AGBL3: variants seen among roughly 807,000 people sequenced by gnomAD.
AGBL3 encodes the protein cytosolic carboxypeptidase 3.
In AGBL3, 68 loss-of-function variants were observed where a neutral mutation model predicts 94.5. The observed-to-expected ratio is 0.72, with a 90% CI of 0.59 to 0.88. The LOEUF (loss-of-function observed/expected upper bound fraction) is 0.88, where lower values mean the gene tolerates loss of function less well. Among genes scored for constraint, AGBL3 ranks in the 40% least tolerant of loss-of-function variants. The pLI is 0.00. For synonymous variants in AGBL3, 354 were observed against 370.7 expected (o/e 0.95, Z 0.52); for missense variants, 934 against 1,103.8 (o/e 0.85, Z 2.18).
At chr7:135,131,267 A>G (rs1828722420) in intron 16 of AGBL3, among the ~76,000 whole-genome samples, 1 of 152,086 alleles carries the variant, frequency 6.6e-6, no homozygotes, top group Admixed American at 6.6e-5. Flanking sequence ...GAACAGTGAG[A>G]ACACATGGAC....
intron 15 of AGBL3, among the ~76,000 whole-genome samples, chr7:135,109,650 G>A (rs1164143251): frequency 6.6e-6 from 1 of 151,904 alleles, no homozygotes; most frequent in African/African-American, 2.4e-5. Flanking sequence ...TGAAACTGTT[G>A]CTGACAGAAA....
Position 135,042,769 on chromosome 7 carries a change from C to T in AGBL3, c.1501-1256C>T, listed in dbSNP as rs139479442. Among the ~76,000 whole-genome samples, 1,103 of 151,986 alleles carry T rather than the reference C, an allele frequency of 7.3e-3. 14 individuals are homozygous for T. Among genetic ancestry groups the T allele is most frequent in the African/African-American group, 0.025 (1,027 of 41,446 alleles). On this transcript the variant is annotated intron_variant, in intron 8 of 16. Coordinates refer to ENST00000436302, the MANE Select transcript of AGBL3 (RefSeq NM_178563.4). ...TGTGAAAAAAATACAAAAATAGCTA[C>T]GTATGGTGGTAAGTGCCTGTGGTCT...
chr7:135,030,291 C>A (rs1815590839), intron 5 of AGBL3, among the ~76,000 whole-genome samples: 1 of 152,094 alleles, frequency 6.6e-6, no homozygotes, highest in Non-Finnish European at 1.5e-5. Flanking sequence ...AGGGTTACCT[C>A]TCAATAAACC....
chr7:135,131,276 A>G (rs1315224877), intron 16 of AGBL3, among the ~76,000 whole-genome samples: 1 of 152,042 alleles, frequency 6.6e-6, no homozygotes, highest in African/African-American at 2.4e-5. Context: ...GAACACATGG[A>G]CACATAGAGG....
chr7:135,017,556 C>G (rs990423285), intron 5 of AGBL3, among the ~76,000 whole-genome samples: 2 of 152,044 alleles, frequency 1.3e-5, no homozygotes, highest in African/African-American at 4.8e-5. Flanking sequence ...CATTTCTTGG[C>G]GTTATAATCT....
intron 5 of AGBL3, among the ~76,000 whole-genome samples, chr7:135,021,183 A>T (rs1350260392): frequency 1.3e-5 from 2 of 152,142 alleles, no homozygotes; most frequent in African/African-American, 4.8e-5. Flanking sequence ...ATTGATAGTT[A>T]TGCCAGTACC....
chr7:135,059,363 T>A, intron 12 of AGBL3, 128 bp downstream of exon 12: 5 of 530,022 alleles, frequency 9.4e-6, no homozygotes, highest in East Asian at 6.7e-5. Flanking sequence ...TCTAACTATG[T>A]AGATATTTTA....
At chr7:135,035,257 AT>A (rs1480201788) in intron 7 of AGBL3, among the ~76,000 whole-genome samples, 1 of 151,740 alleles carries the variant, frequency 6.6e-6, no homozygotes, top group Admixed American at 6.6e-5. Flanking sequence ...GTTTAAAATA[AT>A]TTTTTTATAA....
At chr7:135,022,779 T>C (rs1328255761) in intron 5 of AGBL3, among the ~76,000 whole-genome samples, 1 of 152,050 alleles carries the variant, frequency 6.6e-6, no homozygotes, top group Admixed American at 6.5e-5. Flanking sequence ...TCTTCTAGAG[T>C]TTTTATGGTT....
At chr7:135,016,426 CTTCG>C (rs1813811353) in intron 4 of AGBL3, among the ~76,000 whole-genome samples, 1 of 151,592 alleles carries the variant, frequency 6.6e-6, no homozygotes, top group African/African-American at 2.4e-5. Flanking sequence ...TCATCAAATT[CTTCG>C]TTCATTAAAA....
chr7:135,051,004 T>G (rs1386325754), intron 11 of AGBL3: 5 of 428,238 alleles, frequency 1.2e-5, no homozygotes, highest in African/African-American at 8.4e-5. Flanking sequence ...TTATTTCTAA[T>G]GCTGTCACTA....
chr7:134,994,899 T>C (rs1810799694), intron 4 of AGBL3, among the ~76,000 whole-genome samples: 2 of 152,206 alleles, frequency 1.3e-5, no homozygotes, highest in South Asian at 4.1e-4. Flanking sequence ...TATATATTTA[T>C]CTTCTGTAGT....
At chr7:135,055,183 G>A (rs8180746) in intron 11 of AGBL3, among the ~76,000 whole-genome samples, 67,180 of 151,984 alleles carry the variant, frequency 0.44, 15,504 homozygotes, top group East Asian at 0.78. Flanking sequence ...AACACCTCCC[G>A]CTAGGCCCTA....
intron 12 of AGBL3, among the ~76,000 whole-genome samples, chr7:135,071,370 C>A (rs1189173592): frequency 6.6e-6 from 1 of 152,224 alleles, no homozygotes; most frequent in East Asian, 1.9e-4. Flanking sequence ...CCATCCCCAT[C>A]AAGTTACCAA....
At chr7:135,115,044 G>T (rs957443925) in intron 15 of AGBL3, among the ~76,000 whole-genome samples, 1 of 151,982 alleles carries the variant, frequency 6.6e-6, no homozygotes, top group Non-Finnish European at 1.5e-5. Context: ...CCTTTGTCTC[G>T]AATTATCTTT....
At chr7:134,986,818 A>T (rs1421894982) in intron 1 of AGBL3, 117 bp downstream of exon 1, 1 of 152,246 alleles carries the variant, frequency 6.6e-6, no homozygotes, top group Non-Finnish European at 1.5e-5. Context: ...GGCCGCCCGG[A>T]GTTGTGGCCT....
intron 15 of AGBL3, among the ~76,000 whole-genome samples, chr7:135,083,253 T>C (rs941450966): frequency 1.3e-5 from 2 of 152,124 alleles, no homozygotes; most frequent in African/African-American, 4.8e-5. Flanking sequence ...TCATTCTAAT[T>C]ACACCCTTCA....
At chr7:134,990,724 A>C (rs888022414) in intron 3 of AGBL3, among the ~76,000 whole-genome samples, 1 of 152,218 alleles carries the variant, frequency 6.6e-6, no homozygotes, top group African/African-American at 2.4e-5. Flanking sequence ...TTCTTCGCCA[A>C]TAATTCTTAG....
chr7:135,096,775 G>GAAAGAA (rs1554516789), intron 15 of AGBL3, among the ~76,000 whole-genome samples: 23 of 148,540 alleles, frequency 1.5e-4, no homozygotes, highest in African/African-American at 4.8e-4. Flanking sequence ...AAGAAAGAAA[G>GAAAGAA]AAAGAAAGAA....
Sources: allele counts gnomAD v4.1 joint callset (sites outside exome capture counted in the v4.1 genomes callset), GRCh38; gene constraint gnomAD v4.1.1; transcripts MANE v1.5; gene names NCBI Gene and HGNC (gene_info 2026-07-23, HGNC 2026-07-21).